FAM200B: variants seen among roughly 807,000 people sequenced by gnomAD.
The protein encoded by FAM200B is zinc finger BED-type containing 11, also known as protein FAM200B.
FAM200B carries 32 observed loss-of-function variants against 33.1 expected under a neutral mutation model. The observed-to-expected ratio is 0.97, with a 90% CI of 0.73 to 1.30. FAM200B has a LOEUF of 1.30. Ranked by LOEUF, FAM200B falls within the 50% of genes most tolerant of loss-of-function variation. FAM200B has a pLI of 0.00. For synonymous variants in FAM200B, 240 were observed against 264.8 expected (o/e 0.91, Z 0.91); for missense variants, 741 against 754.0 (o/e 0.98, Z 0.20).
the FAM200B span, chr4:15,655,506 C>G: frequency 2.4e-6 from 1 of 418,478 alleles, no homozygotes; most frequent in Admixed American, 6.4e-5. Context: ...CTCGCGGCTT[C>G]TGCCTCCCGC....
the FAM200B span, among the ~76,000 whole-genome samples, chr4:15,670,767 G>A: frequency 3.3e-5 from 5 of 151,970 alleles, no homozygotes; most frequent in Admixed American, 3.3e-4. Context: ...CAGACCATGG[G>A]TTTCTGGTCC....
At chr4:15,674,737 C>T in the FAM200B span, among the ~76,000 whole-genome samples, 1 of 151,754 alleles carries the variant, frequency 6.6e-6, no homozygotes, top group East Asian at 1.9e-4. Context: ...GCAAGCTCCG[C>T]CTCCCACGTT....
At chr4:15,645,305 T>G in the FAM200B span, among the ~76,000 whole-genome samples, 3 of 152,174 alleles carry the variant, frequency 2.0e-5, no homozygotes, top group Non-Finnish European at 4.4e-5. Flanking sequence ...CTATCTTCTA[T>G]AAAAAGTAGT....
the FAM200B span, among the ~76,000 whole-genome samples, chr4:15,651,571 T>C: frequency 1.3e-5 from 2 of 152,140 alleles, no homozygotes; most frequent in East Asian, 1.9e-4. Flanking sequence ...GTTACAGGTA[T>C]GCAGAAAAAT....
chr4:15,652,532 T>C, the FAM200B span, among the ~76,000 whole-genome samples: 1 of 152,180 alleles, frequency 6.6e-6, no homozygotes, highest in Non-Finnish European at 1.5e-5. Flanking sequence ...AAGTATTAAA[T>C]CGGGTATTGT....
At chr4:15,641,424 G>A in the FAM200B span, 1 of 355,018 alleles carries the variant, frequency 2.8e-6, no homozygotes, top group Non-Finnish European at 5.4e-6. Flanking sequence ...AGACAATGAG[G>A]ATAAAGACAT....
the FAM200B span, among the ~76,000 whole-genome samples, chr4:15,651,823 T>C: frequency 6.6e-6 from 1 of 152,132 alleles, no homozygotes; most frequent in Non-Finnish European, 1.5e-5. Flanking sequence ...AATAACTGGT[T>C]TATATATAAG....
At chr4:15,675,936 A>G in the FAM200B span, among the ~76,000 whole-genome samples, 2 of 152,226 alleles carry the variant, frequency 1.3e-5, no homozygotes, top group Admixed American at 6.5e-5. Context: ...TACCTCAAAC[A>G]GAATTCTTTC....
chr4:15,681,826 C>CA (rs777063593), upstream of FAM200B: 2 of 152,738 alleles, frequency 1.3e-5, no homozygotes, highest in Non-Finnish European at 2.9e-5. Context: ...GTGGGGAGAG[C>CA]AGAGGCGCAG....
the FAM200B span, among the ~76,000 whole-genome samples, chr4:15,662,088 C>T: frequency 1.3e-5 from 2 of 151,286 alleles, no homozygotes; most frequent in African/African-American, 4.8e-5. Flanking sequence ...AAGAGACATC[C>T]CATCACTCAT....
the FAM200B span, among the ~76,000 whole-genome samples, chr4:15,676,618 A>G: frequency 2.6e-5 from 4 of 152,164 alleles, no homozygotes; most frequent in Non-Finnish European, 5.9e-5. Context: ...AAAATGTTAC[A>G]GGGTCATACA....
chr4:15,678,240 T>C (rs932966593), upstream of FAM200B, among the ~76,000 whole-genome samples: 10 of 152,228 alleles, frequency 6.6e-5, no homozygotes, highest in African/African-American at 2.4e-4. Context: ...TTTTCTCATT[T>C]GCAATTTTAT....
the FAM200B span, among the ~76,000 whole-genome samples, chr4:15,672,141 C>A: frequency 1.3e-5 from 2 of 152,290 alleles, no homozygotes; most frequent in East Asian, 3.9e-4. Context: ...GCTTTCAGGC[C>A]TTGCTTTAAA....
At chr4:15,671,853 G>C in the FAM200B span, among the ~76,000 whole-genome samples, 2 of 152,100 alleles carry the variant, frequency 1.3e-5, no homozygotes, top group South Asian at 4.1e-4. Context: ...CATACAGTAG[G>C]TTTTACATTT....
chr4:15,641,733 T>C, the FAM200B span: 25 of 393,334 alleles, frequency 6.4e-5, no homozygotes, highest in African/African-American at 5.4e-4. Flanking sequence ...ACTGTACCTG[T>C]TAACATTATC....
chr4:15,644,522 G>A, the FAM200B span: 3 of 1,613,582 alleles, frequency 1.9e-6, no homozygotes, highest in Non-Finnish European at 2.5e-6. Context: ...TTTTCAAAGA[G>A]GCTAAGCATC....
At chr4:15,658,562 T>C in the FAM200B span, among the ~76,000 whole-genome samples, 2 of 151,788 alleles carry the variant, frequency 1.3e-5, no homozygotes, top group African/African-American at 4.8e-5. Flanking sequence ...TGTGCCAGCA[T>C]GCTGAGTCCC....
At chr4:15,648,706 C>T in the FAM200B span, among the ~76,000 whole-genome samples, 2 of 151,936 alleles carry the variant, frequency 1.3e-5, no homozygotes, top group South Asian at 4.1e-4. Context: ...GTTGTTGGGG[C>T]AGGGGATGGA....
rs1441776544 is a variant in FAM200B, at chr4:15,687,142, GA to G, written c.171del (p.Val58Ter). 3.9e-6 allele frequency: 6 copies of G among 1,546,518 alleles called. No individual in the cohort carries two copies. The East Asian group carries it at 9.8e-5, about 25-fold the overall frequency. ...CTTCATTTGAGCCACATTTCAAAAA[GA>G]AAAAAGTAAGTGCAAGACGTTATAA... The part of the protein sequence containing the change: ...STSFEPHFKK[K>X]KVSARRYNED... On this transcript the variant is annotated frameshift_variant, in exon 2 of 2. Coordinates refer to ENST00000422728, the MANE Select transcript of FAM200B (RefSeq NM_001145191.2). LOFTEE classifies it high-confidence loss of function.
Sources: gnomAD v4.1 joint callset for allele counts (sites outside exome capture counted in the v4.1 genomes callset) on GRCh38, gnomAD v4.1.1 for gene constraint, MANE v1.5 for transcripts, NCBI Gene and HGNC (gene_info 2026-07-23, HGNC 2026-07-21) for gene names.